Variants in KCNIP4 observed in about 807,000 individuals in gnomAD.
The protein encoded by KCNIP4 is Kv channel-interacting protein 4.
In KCNIP4, 12 loss-of-function variants were observed where a neutral mutation model predicts 34.0. The ratio of observed to expected loss-of-function variants is 0.35; its 90% CI spans 0.23 to 0.57. The LOEUF is 0.57. KCNIP4 is among the 20% of genes least tolerant of loss of function. KCNIP4 has a pLI of 0.83. For synonymous variants in KCNIP4, 124 were observed against 102.2 expected (o/e 1.21, Z -1.29); for missense variants, 238 against 311.7 (o/e 0.76, Z 1.78).
intron 3 of KCNIP4, among the ~76,000 whole-genome samples, chr4:20,781,711 G>A (rs1037825334): frequency 3.3e-5 from 5 of 152,100 alleles, no homozygotes; most frequent in Admixed American, 6.5e-5. Flanking sequence ...TGCAAATTAT[G>A]GGAGTATAAT....
At chr4:20,861,571 A>T (rs2149495174) in intron 2 of KCNIP4, among the ~76,000 whole-genome samples, 1 of 152,324 alleles carries the variant, frequency 6.6e-6, no homozygotes, top group South Asian at 2.1e-4. Flanking sequence ...AACACCAAAA[A>T]ATGAACAAAA....
At chr4:21,863,805 A>C (rs2109355185) in intron 1 of KCNIP4, among the ~76,000 whole-genome samples, 1 of 152,308 alleles carries the variant, frequency 6.6e-6, no homozygotes, top group Middle Eastern at 3.4e-3. Flanking sequence ...TGAAAGTTGA[A>C]ATTGGTCTCT....
rs547793256 is a variant in KCNIP4 at position 21,295,274 on chromosome 4, T to G, written c.62-412565A>C. On this transcript the variant is annotated intron_variant, in intron 1 of 8. Coordinates refer to ENST00000382152, the MANE Select transcript of KCNIP4 (RefSeq NM_025221.6). ...CATATAAAGGAAGTCTGAAAATAAG[T>G]GTTGAATCCATGCCCTGGTGGTATC... Among the ~76,000 whole-genome samples the G allele has an allele frequency of 2.0e-5, 3 of 152,166 alleles. No homozygotes were observed. The South Asian group carries it at 6.2e-4, about 32-fold the overall frequency.
intron 8 of KCNIP4, among the ~76,000 whole-genome samples, chr4:20,730,911 G>C (rs544757773): frequency 6.6e-6 from 1 of 152,036 alleles, no homozygotes; most frequent in African/African-American, 2.4e-5. Flanking sequence ...TAACATCACC[G>C]TCAAGCAGCT....
chr4:20,918,816 C>T (rs1486997936), intron 1 of KCNIP4, among the ~76,000 whole-genome samples: 1 of 152,092 alleles, frequency 6.6e-6, no homozygotes, highest in African/African-American at 2.4e-5. Context: ...AGACTCAATC[C>T]AAATATCCAC....
chr4:21,220,150 G>A (rs932286405), intron 1 of KCNIP4, among the ~76,000 whole-genome samples: 9 of 152,080 alleles, frequency 5.9e-5, no homozygotes, highest in South Asian at 4.2e-4. Context: ...TGGTAAAGTC[G>A]TACCAGGTTC....
At chr4:21,534,958 T>C (rs974378812) in intron 1 of KCNIP4, among the ~76,000 whole-genome samples, 1 of 152,212 alleles carries the variant, frequency 6.6e-6, no homozygotes, top group Admixed American at 6.5e-5. Flanking sequence ...CATTCAATGC[T>C]GTATCGTTCC....
At chr4:21,925,135 C>T (rs1288051802) in intron 1 of KCNIP4, among the ~76,000 whole-genome samples, 1 of 151,754 alleles carries the variant, frequency 6.6e-6, no homozygotes, top group Non-Finnish European at 1.5e-5. Context: ...GTACAACGTG[C>T]AGGTTTGTTA....
chr4:21,504,630 C>A (rs776451560), intron 1 of KCNIP4, among the ~76,000 whole-genome samples: 52 of 151,910 alleles, frequency 3.4e-4, no homozygotes, highest in Middle Eastern at 3.2e-3. Context: ...TTTAGGGAGG[C>A]TAATTCACCT....
intron 1 of KCNIP4, among the ~76,000 whole-genome samples, chr4:21,304,324 G>A (rs1310602086): frequency 6.6e-6 from 1 of 152,126 alleles, no homozygotes; most frequent in South Asian, 2.1e-4. Flanking sequence ...AAGTCGCGGC[G>A]CAGATCACCC....
chr4:21,068,913 G>A (rs1196734995), intron 1 of KCNIP4, among the ~76,000 whole-genome samples: 1 of 152,182 alleles, frequency 6.6e-6, no homozygotes, highest in African/African-American at 2.4e-5. Context: ...ATGTGTTATT[G>A]TATATGAAGC....
intron 3 of KCNIP4, among the ~76,000 whole-genome samples, chr4:20,787,585 G>A (rs1712177276): frequency 6.6e-6 from 1 of 151,966 alleles, no homozygotes; most frequent in East Asian, 1.9e-4. Context: ...ATATTTTTAA[G>A]TGCATTAACT....
At chr4:21,124,677 T>C (rs1261172928) in intron 1 of KCNIP4, among the ~76,000 whole-genome samples, 2 of 152,102 alleles carry the variant, frequency 1.3e-5, no homozygotes, top group African/African-American at 2.4e-5. Flanking sequence ...TTTGTGATAT[T>C]TGAAGCTTAA....
chr4:21,735,311 G>A (rs1029870695), intron 1 of KCNIP4, among the ~76,000 whole-genome samples: 2 of 151,904 alleles, frequency 1.3e-5, no homozygotes, highest in Non-Finnish European at 2.9e-5. Context: ...ACTGAACATA[G>A]CAATTATTAA....
chr4:21,830,717 A>G (rs1722932587), intron 1 of KCNIP4, among the ~76,000 whole-genome samples: 1 of 152,116 alleles, frequency 6.6e-6, no homozygotes. Context: ...GGAAACTTCA[A>G]TACACATTTT....
intron 3 of KCNIP4, among the ~76,000 whole-genome samples, chr4:20,798,210 G>A (rs1713732738): frequency 6.6e-6 from 1 of 152,152 alleles, no homozygotes; most frequent in South Asian, 2.1e-4. Context: ...TCAGGATACT[G>A]GAATGTAACA....
At chr4:20,754,903 C>T (rs1466526224) in intron 4 of KCNIP4, among the ~76,000 whole-genome samples, 1 of 152,082 alleles carries the variant, frequency 6.6e-6, no homozygotes, top group South Asian at 2.1e-4. Flanking sequence ...TGCATTGGTG[C>T]TTTGATATTA....
intron 1 of KCNIP4, among the ~76,000 whole-genome samples, chr4:21,561,675 G>A (rs2109033726): frequency 6.6e-6 from 1 of 151,982 alleles, no homozygotes; most frequent in Non-Finnish European, 1.5e-5. Context: ...GTTAAAAAAA[G>A]CTGTTAAGGC....
chr4:20,882,060 A>G (rs1317080058), intron 2 of KCNIP4, among the ~76,000 whole-genome samples: 2 of 152,220 alleles, frequency 1.3e-5, no homozygotes, highest in Admixed American at 6.5e-5. Flanking sequence ...TATGATATGT[A>G]TATGCTTATG....
Sources: allele counts gnomAD v4.1 joint callset (sites outside exome capture counted in the v4.1 genomes callset), GRCh38; gene constraint gnomAD v4.1.1; transcripts MANE v1.5; gene names NCBI Gene and HGNC (gene_info 2026-07-23, HGNC 2026-07-21).